GABRG1: variants seen among roughly 807,000 people sequenced by gnomAD.
The protein encoded by GABRG1 is gamma-aminobutyric acid type A receptor subunit gamma1.
In GABRG1, 49 loss-of-function variants were observed where a neutral mutation model predicts 49.8. That is an observed-to-expected ratio of 0.98 (90% CI 0.78 to 1.25). The LOEUF is 1.25. Ranked by LOEUF, GABRG1 falls within the 50% of genes most tolerant of loss-of-function variation. The probability of loss-of-function intolerance (pLI) is 0.00; values close to 1 mark genes in which losing one functional copy is unlikely to be tolerated. For synonymous variants in GABRG1, 232 were observed against 185.1 expected, an observed-to-expected ratio of 1.25 and a Z score of -2.06; for missense variants, 552 against 552.3, an observed-to-expected ratio of 1.00 and a Z score of 0.01.
chr4:46,076,406 C>CATATATAT (rs1719334614), intron 3 of GABRG1, among the ~76,000 whole-genome samples: 1 of 73,162 alleles, frequency 1.4e-5, no homozygotes, highest in Non-Finnish European at 2.7e-5. Flanking sequence ...TATATATATG[C>CATATATAT]TAAATTACTT....
intron 8 of GABRG1, among the ~76,000 whole-genome samples, chr4:46,046,979 C>T (rs1718023567): frequency 6.6e-6 from 1 of 152,020 alleles, no homozygotes; most frequent in Admixed American, 6.6e-5. Flanking sequence ...CTCTTCTATC[C>T]TCAACATAGG....
At chr4:46,043,542 G>A (rs1359907542) in intron 8 of GABRG1, among the ~76,000 whole-genome samples, 1 of 151,748 alleles carries the variant, frequency 6.6e-6, no homozygotes, top group Non-Finnish European at 1.5e-5. Context: ...TTAAACCACT[G>A]AGAAATTAAT....
chr4:46,118,801 T>C (rs1721010992), intron 1 of GABRG1, among the ~76,000 whole-genome samples: 1 of 146,766 alleles, frequency 6.8e-6, no homozygotes, highest in Admixed American at 6.7e-5. Flanking sequence ...ATGAAATGTT[T>C]GAAAATAAAA....
At chr4:46,079,651 G>A (rs1474984730) in intron 3 of GABRG1, among the ~76,000 whole-genome samples, 1 of 151,652 alleles carries the variant, frequency 6.6e-6, no homozygotes, top group Non-Finnish European at 1.5e-5. Context: ...AATTTTTAGT[G>A]GTAGCTACTT....
chr4:46,065,535 A>T lies in GABRG1; in HGVS notation c.371T>A (p.Leu124Ter). 6.2e-7 allele frequency: 1 copy of T among 1,608,076 alleles called. No individual in the cohort carries two copies. The highest frequency in any genetic ancestry group is 8.5e-7 in the Non-Finnish European group (1 of 1,174,938). The change falls in exon 4 of 9, where the codon TTA becomes TAA. Residue 124 changes from leucine to a stop codon, truncating the protein, a stop_gained. Coordinates refer to ENST00000295452, the MANE Select transcript of GABRG1 (RefSeq NM_173536.4). LOFTEE classifies it high-confidence loss of function. ...IFAQTWFDSR[L>*]KFNSTMKVLM... ...CACTTTCATGGTACTATTGAATTTT[A>T]AACGACTGTCAAACCAGGTTTGGGC...
chr4:46,061,272 G>A (rs1246668233), intron 5 of GABRG1, among the ~76,000 whole-genome samples: 1 of 151,964 alleles, frequency 6.6e-6, no homozygotes, highest in East Asian at 1.9e-4. Flanking sequence ...TCAAAGCAGT[G>A]AGGTAGATCA....
chr4:46,041,487 T>C (rs1256570523), intron 8 of GABRG1, among the ~76,000 whole-genome samples: 2 of 151,944 alleles, frequency 1.3e-5, no homozygotes, highest in Non-Finnish European at 2.9e-5. Flanking sequence ...TAAAATATAT[T>C]TTTATACATT....
At chr4:46,046,826 T>C (rs1023247459) in intron 8 of GABRG1, among the ~76,000 whole-genome samples, 9 of 152,132 alleles carry the variant, frequency 5.9e-5, no homozygotes, top group Non-Finnish European at 1.2e-4. Context: ...ATATACTGTA[T>C]ACTATTTCTA....
chr4:46,094,895 A>G (rs1003207969), intron 2 of GABRG1, among the ~76,000 whole-genome samples: 1 of 152,004 alleles, frequency 6.6e-6, no homozygotes. Context: ...AAGATCCAAT[A>G]CAAATCAATT....
At chr4:46,064,413 T>C (rs888353911) in intron 5 of GABRG1, 28 bp downstream of exon 5, 1 of 1,229,230 alleles carries the variant, frequency 8.1e-7, no homozygotes. Flanking sequence ...TAAAATTCTA[T>C]GAAATTATCA....
chr4:46,079,680 T>C (rs976265466), intron 3 of GABRG1, among the ~76,000 whole-genome samples: 1 of 151,874 alleles, frequency 6.6e-6, no homozygotes, highest in Non-Finnish European at 1.5e-5. Flanking sequence ...ACTAATCTTA[T>C]ACTGTAGCCT....
chr4:46,082,722 T>C (rs990884260), intron 3 of GABRG1, among the ~76,000 whole-genome samples: 1 of 151,860 alleles, frequency 6.6e-6, no homozygotes, highest in African/African-American at 2.4e-5. Flanking sequence ...CCTCCTTCTT[T>C]ATCCTCTTTA....
rs560529954 is a variant in GABRG1, at chr4:46,112,939, G to GA, written c.104+10870dup. Among the ~76,000 whole-genome samples, 393 of 148,588 alleles carry GA rather than the reference G, an allele frequency of 2.6e-3. 3 individuals are homozygous for GA. The highest frequency in any genetic ancestry group is 7.7e-3 in the African/African-American group (313 of 40,648). The stretch of plus-strand genomic sequence containing the variant: ...ATCCCTTGAATTTAAAATAAAAGTT[G>GA]AAAAAAAAATAGCTACACGGCTACA... On this transcript the variant is annotated intron_variant, in intron 1 of 8. Coordinates refer to ENST00000295452, the MANE Select transcript of GABRG1 (RefSeq NM_173536.4).
intron 1 of GABRG1, among the ~76,000 whole-genome samples, chr4:46,106,477 A>G (rs1720550250): frequency 6.6e-6 from 1 of 151,508 alleles, no homozygotes. Flanking sequence ...AAGCAAAGAC[A>G]TTTTGCCATT....
intron 5 of GABRG1, among the ~76,000 whole-genome samples, chr4:46,063,210 A>T (rs1490579702): frequency 1.3e-5 from 2 of 152,110 alleles, no homozygotes; most frequent in Non-Finnish European, 2.9e-5. Context: ...CGCATTGCCA[A>T]GTCAATCCTA....
chr4:46,076,228 G>A (rs556133687), intron 3 of GABRG1, among the ~76,000 whole-genome samples: 15 of 151,300 alleles, frequency 9.9e-5, no homozygotes, highest in African/African-American at 2.2e-4. Context: ...GTGTTTGTGC[G>A]TGTATGCATA....
chr4:46,114,359 G>A (rs1419600987), intron 1 of GABRG1, among the ~76,000 whole-genome samples: 1 of 150,994 alleles, frequency 6.6e-6, no homozygotes, highest in African/African-American at 2.4e-5. Flanking sequence ...CATACATAGA[G>A]AGATGCTTTG....
intron 3 of GABRG1, among the ~76,000 whole-genome samples, chr4:46,073,921 G>A (rs1195975779): frequency 6.6e-6 from 1 of 151,896 alleles, no homozygotes; most frequent in Non-Finnish European, 1.5e-5. Flanking sequence ...GTTGACCATG[G>A]GTAACTGAAA....
chr4:46,085,394 G>T (rs775758799), intron 2 of GABRG1, among the ~76,000 whole-genome samples: 1 of 151,512 alleles, frequency 6.6e-6, no homozygotes, highest in East Asian at 1.9e-4. Flanking sequence ...GATGAGCATA[G>T]AGCAATTGCA....
Sources: allele counts gnomAD v4.1 joint callset (sites outside exome capture counted in the v4.1 genomes callset), GRCh38; gene constraint gnomAD v4.1.1; transcripts MANE v1.5; gene names NCBI Gene and HGNC (gene_info 2026-07-23, HGNC 2026-07-21).